ABCC4: variants seen among roughly 807,000 people sequenced by gnomAD.
ABCC4 encodes ATP binding cassette subfamily C member 4 (PEL blood group).
A neutral mutation model predicts 168.5 loss-of-function variants in ABCC4; 102 were observed. The ratio of observed to expected loss-of-function variants is 0.61; its 90% confidence interval spans 0.52 to 0.71. ABCC4 has a LOEUF of 0.71. Among genes scored for constraint, ABCC4 ranks in the 30% least tolerant of loss-of-function variants. The probability of loss-of-function intolerance (pLI) is 0.00; values close to 1 mark genes in which losing one functional copy is unlikely to be tolerated. For missense variants in ABCC4, 1,402 were observed against 1,605.8 expected, an observed-to-expected ratio of 0.87 and a Z score of 2.17; for synonymous variants, 617 against 590.7, an observed-to-expected ratio of 1.04 and a Z score of -0.65.
chr13:95,228,216 C>A (rs555986788), intron 4 of ABCC4, among the ~76,000 whole-genome samples: 4 of 152,288 alleles, frequency 2.6e-5, no homozygotes, highest in African/African-American at 9.6e-5. Flanking sequence ...GGTGGGAAGA[C>A]TGGGATGCAG....
rs1159726645 is a variant in ABCC4, at chr13:95,206,543, G to T, written c.1150C>A (p.Arg384=). ...CATCTGACACCAACCTGGATTCTTC[G>T]GATGCTGACGATTGCCTCTGACACC... is the stretch of plus-strand genomic sequence containing the variant. The part of the protein sequence containing the change: ...ERVSEAIVSI[R]RIQTFLLLDE... The change falls in exon 8 of 31, where the codon CGA becomes AGA. Residue 384 remains arginine, a synonymous_variant. Transcript: ENST00000645237. 1 of 1,613,548 alleles carries T rather than the reference G, an allele frequency of 6.2e-7. No individual in the cohort carries two copies.
intron 1 of ABCC4, among the ~76,000 whole-genome samples, chr13:95,283,335 T>C (rs9524885): frequency 0.63 from 93,965 of 148,444 alleles, 31,130 homozygotes; most frequent in Middle Eastern, 0.76. Flanking sequence ...CTGCTAATCC[T>C]AGAGCCACCT....
chr13:95,056,699 AAGAG>A (rs1269556619), intron 26 of ABCC4, among the ~76,000 whole-genome samples: 1 of 152,180 alleles, frequency 6.6e-6, no homozygotes, highest in Non-Finnish European at 1.5e-5. Context: ...AGAAGTCTTA[AAGAG>A]ACACACTCTG....
At chr13:95,076,559 C>T (rs570130031) in intron 21 of ABCC4, among the ~76,000 whole-genome samples, 2 of 151,048 alleles carry the variant, frequency 1.3e-5, no homozygotes, top group South Asian at 2.1e-4. Flanking sequence ...GACCTGCCCC[C>T]GTTCAAGCGA....
intron 1 of ABCC4, among the ~76,000 whole-genome samples, chr13:95,253,933 C>T (rs1047960082): frequency 1.3e-5 from 2 of 152,090 alleles, no homozygotes; most frequent in Non-Finnish European, 2.9e-5. Flanking sequence ...CACTCTCTTA[C>T]CCAGGCTGGA....
intron 11 of ABCC4, 104 bp from the exon 12 acceptor site, chr13:95,178,195 C>A: frequency 1.0e-6 from 1 of 985,942 alleles, no homozygotes; most frequent in Non-Finnish European, 1.6e-6. Context: ...CACATTAGTT[C>A]TTCAGAAATT....
At chr13:95,211,597 G>T (rs1024821640) in intron 4 of ABCC4, among the ~76,000 whole-genome samples, 1 of 152,066 alleles carries the variant, frequency 6.6e-6, no homozygotes, top group East Asian at 1.9e-4. Context: ...GCTGAAACAG[G>T]TGAAGCTTAT....
At chr13:95,131,539 G>A (rs1321734263) in intron 19 of ABCC4, among the ~76,000 whole-genome samples, 1 of 152,144 alleles carries the variant, frequency 6.6e-6, no homozygotes, top group Non-Finnish European at 1.5e-5. Context: ...TGAGGCAGAA[G>A]AATTGCCTGA....
intron 25 of ABCC4, among the ~76,000 whole-genome samples, chr13:95,069,678 C>CT (rs1256869700): frequency 6.6e-6 from 1 of 152,144 alleles, no homozygotes. Context: ...ACTCCAGGTA[C>CT]CCACATGTAA....
chr13:95,054,547 TA>T (rs11285335), intron 26 of ABCC4, among the ~76,000 whole-genome samples: 92,218 of 148,654 alleles, frequency 0.62, 29,101 homozygotes, highest in South Asian at 0.77. Flanking sequence ...GTCTCCATCT[TA>T]AAAAAAAAAA....
intron 25 of ABCC4, 145 bp from the exon 26 acceptor site, chr13:95,063,004 C>T: frequency 1.1e-6 from 1 of 949,854 alleles, no homozygotes; most frequent in Non-Finnish European, 1.5e-6. Context: ...CCAACCTCAG[C>T]ACTGATGACC....
intron 18 of ABCC4, among the ~76,000 whole-genome samples, chr13:95,162,802 C>T (rs944673332): frequency 1.3e-5 from 2 of 152,034 alleles, no homozygotes; most frequent in African/African-American, 2.4e-5. Flanking sequence ...CCTGCCCATC[C>T]GTATAATGAT....
intron 4 of ABCC4, among the ~76,000 whole-genome samples, chr13:95,222,481 G>C (rs2039335424): frequency 6.6e-6 from 1 of 152,228 alleles, no homozygotes; most frequent in Non-Finnish European, 1.5e-5. Flanking sequence ...GCATCTGCAT[G>C]GCCCTGGACA....
At chr13:95,106,782 G>T (rs1288930537) in intron 20 of ABCC4, among the ~76,000 whole-genome samples, 1 of 143,564 alleles carries the variant, frequency 7.0e-6, no homozygotes, top group Non-Finnish European at 1.5e-5. Flanking sequence ...GGCTGTTTGG[G>T]AACAAAAGAA....
At chr13:95,212,626 A>C (rs1419580443) in intron 4 of ABCC4, among the ~76,000 whole-genome samples, 1 of 152,180 alleles carries the variant, frequency 6.6e-6, no homozygotes, top group Non-Finnish European at 1.5e-5. Context: ...TTCTGGGTGC[A>C]CCAGGAGGGC....
Position 95,210,793 on chromosome 13 carries a change from G to A in ABCC4, c.532-12C>T, listed in dbSNP as rs534847151. ...CTAAGACGAAGTGCCTGAAATAAAA[G>A]AGGTAAGTAGAGAATTGTATTCATG... is the stretch of plus-strand genomic sequence containing the variant. On this transcript the variant is annotated splice_polypyrimidine_tract_variant and intron_variant, in intron 4 of 30. Coordinates refer to ENST00000645237, the MANE Select transcript of ABCC4 (RefSeq NM_005845.5). The A allele has an allele frequency of 5.2e-5, 83 of 1,599,280 alleles. No homozygotes were observed. In the South Asian group the frequency reaches 8.7e-4, roughly 17 times the overall value.
At chr13:95,201,018 T>A (rs2038609819) in intron 8 of ABCC4, among the ~76,000 whole-genome samples, 1 of 152,146 alleles carries the variant, frequency 6.6e-6, no homozygotes, top group Admixed American at 6.5e-5. Flanking sequence ...TGCCTGGCCA[T>A]TTGTTTCTCC....
chr13:95,221,300 C>T (rs918603540), intron 4 of ABCC4, among the ~76,000 whole-genome samples: 2 of 152,190 alleles, frequency 1.3e-5, no homozygotes, highest in African/African-American at 4.8e-5. Context: ...ACAATCATGG[C>T]TCACTGAAGC....
At chr13:95,045,320 G>C (rs2032530536) in intron 27 of ABCC4, among the ~76,000 whole-genome samples, 2 of 152,096 alleles carry the variant, frequency 1.3e-5, no homozygotes, top group Non-Finnish European at 2.9e-5. Context: ...CATCTTATAG[G>C]CACTTTACCA....
Sources: gnomAD v4.1 joint callset for allele counts (sites outside exome capture counted in the v4.1 genomes callset) on GRCh38, gnomAD v4.1.1 for gene constraint, MANE v1.5 for transcripts, NCBI Gene and HGNC (gene_info 2026-07-23, HGNC 2026-07-21) for gene names.